ERBB4: variants seen among roughly 807,000 people sequenced by gnomAD.
The protein encoded by ERBB4 is erb-b2 receptor tyrosine kinase 4, also known as receptor tyrosine-protein kinase erbB-4.
A neutral mutation model predicts 158.0 loss-of-function variants in ERBB4; 42 were observed. That is an observed-to-expected ratio of 0.27 (90% CI 0.21 to 0.34). ERBB4 has a LOEUF of 0.34. Ranked by LOEUF, ERBB4 falls within the 10% of genes least tolerant of loss-of-function variation. The probability of loss-of-function intolerance (pLI) is 1.00; values close to 1 mark genes in which losing one functional copy is unlikely to be tolerated. For synonymous variants in ERBB4, 583 were observed against 558.7 expected (o/e 1.04, Z -0.61); for missense variants, 1,333 against 1,624.1 (o/e 0.82, Z 3.08).
At chr2:212,165,177 G>A (rs918589523) in intron 1 of ERBB4, among the ~76,000 whole-genome samples, 2 of 151,860 alleles carry the variant, frequency 1.3e-5, no homozygotes, top group Non-Finnish European at 2.9e-5. Flanking sequence ...CAGGTAATCA[G>A]CTAGGATTAA....
At chr2:212,473,166 C>A (rs968685467) in intron 1 of ERBB4, among the ~76,000 whole-genome samples, 1 of 151,900 alleles carries the variant, frequency 6.6e-6, no homozygotes. Context: ...TAAGCATTAA[C>A]ATTGCTAATT....
At chr2:212,347,308 T>G (rs753363761) in intron 1 of ERBB4, among the ~76,000 whole-genome samples, 2 of 149,950 alleles carry the variant, frequency 1.3e-5, no homozygotes, top group Non-Finnish European at 3.0e-5. Context: ...GTCCATGTTT[T>G]CTAAGACTTC....
At chr2:211,677,839 G>A (rs965836843) in intron 13 of ERBB4, among the ~76,000 whole-genome samples, 13 of 152,122 alleles carry the variant, frequency 8.5e-5, no homozygotes, top group Middle Eastern at 3.4e-3. Flanking sequence ...GCACCACTGC[G>A]CTCTAGCCAG....
At chr2:212,347,516 T>C (rs1251420801) in intron 1 of ERBB4, among the ~76,000 whole-genome samples, 1 of 152,138 alleles carries the variant, frequency 6.6e-6, no homozygotes, top group Non-Finnish European at 1.5e-5. Flanking sequence ...CACTTCCTTA[T>C]ACAACTCTTT....
intron 3 of ERBB4, among the ~76,000 whole-genome samples, chr2:211,810,939 G>T (rs2076739339): frequency 6.6e-6 from 1 of 152,102 alleles, no homozygotes; most frequent in African/African-American, 2.4e-5. Flanking sequence ...CTCCCAAAGT[G>T]CTGGGATTAC....
intron 1 of ERBB4, among the ~76,000 whole-genome samples, chr2:212,508,429 G>C (rs1383349788): frequency 1.3e-5 from 2 of 152,082 alleles, no homozygotes; most frequent in Admixed American, 6.6e-5. Context: ...TTTATGCATT[G>C]TGTTATAATT....
intron 2 of ERBB4, among the ~76,000 whole-genome samples, chr2:211,970,791 C>T (rs2081431280): frequency 6.6e-6 from 1 of 152,096 alleles, no homozygotes; most frequent in Non-Finnish European, 1.5e-5. Context: ...AGATGGGTCT[C>T]TTAGAGGCAG....
intron 1 of ERBB4, among the ~76,000 whole-genome samples, chr2:212,448,866 TTCATCCTC>T (rs1473244445): frequency 6.6e-6 from 1 of 152,178 alleles, no homozygotes; most frequent in Non-Finnish European, 1.5e-5. Flanking sequence ...AGGTTTTAGT[TTCATCCTC>T]TCATACTCCC....
At chr2:212,384,800 G>C (rs919971747) in intron 1 of ERBB4, among the ~76,000 whole-genome samples, 3 of 150,386 alleles carry the variant, frequency 2.0e-5, no homozygotes, top group Non-Finnish European at 4.4e-5. Flanking sequence ...ACATCTGGCA[G>C]TTAAATTTCA....
At chr2:212,034,341 G>A (rs1179864866) in intron 2 of ERBB4, among the ~76,000 whole-genome samples, 1 of 151,824 alleles carries the variant, frequency 6.6e-6, no homozygotes, top group Non-Finnish European at 1.5e-5. Flanking sequence ...ATATAAAAAG[G>A]AAATAAATAT....
intron 1 of ERBB4, among the ~76,000 whole-genome samples, chr2:212,199,507 G>A (rs1044647601): frequency 3.3e-5 from 5 of 152,028 alleles, no homozygotes; most frequent in African/African-American, 7.2e-5. Context: ...CACAACTTAC[G>A]GCTGCAGAGG....
intron 2 of ERBB4, among the ~76,000 whole-genome samples, chr2:212,053,477 T>C (rs529628062): frequency 3.3e-4 from 50 of 152,250 alleles, no homozygotes; most frequent in Middle Eastern, 3.4e-3. Context: ...AACTGCTCTT[T>C]ACCCCCTTTA....
At chr2:212,222,200 T>A (rs770393995) in intron 1 of ERBB4, among the ~76,000 whole-genome samples, 3 of 151,632 alleles carry the variant, frequency 2.0e-5, no homozygotes, top group Non-Finnish European at 4.4e-5. Context: ...TAACTTTCTG[T>A]TGCTATTAAC....
At chr2:212,514,253 C>T (rs1444669518) in intron 1 of ERBB4, among the ~76,000 whole-genome samples, 1 of 150,658 alleles carries the variant, frequency 6.6e-6, no homozygotes, top group Non-Finnish European at 1.5e-5. Flanking sequence ...TTTCCTTAAA[C>T]AAAATGCCCA....
Position 211,424,363 on chromosome 2 carries a change from C to G in ERBB4, c.2720-62G>C. 4 of 1,173,276 alleles carry G rather than the reference C, an allele frequency of 3.4e-6. No individual in the cohort carries two copies. The South Asian group carries it at 3.8e-5, about 11-fold the overall frequency. 72.7% of individuals were successfully genotyped at this position (1,173,276 alleles called of 1,614,324 possible). A position where few individuals can be genotyped will look rare whatever the true frequency, so the allele number is the denominator to read the frequency against. On this transcript the variant is annotated intron_variant, in intron 22 of 27. Transcript: ENST00000342788. Reference sequence around the variant, plus strand: ...ACAACATATGTTGAACAAACCAGCACTATACCAGTAGTAAAAGAATACTCC... The same window carrying G: ...ACAACATATGTTGAACAAACCAGCAGTATACCAGTAGTAAAAGAATACTCC...
At chr2:211,734,023 T>A (rs1245991445) in intron 5 of ERBB4, among the ~76,000 whole-genome samples, 1 of 151,974 alleles carries the variant, frequency 6.6e-6, no homozygotes, top group African/African-American at 2.4e-5. Flanking sequence ...GCCTGGGCCA[T>A]GCAGCAGAAA....
intron 1 of ERBB4, among the ~76,000 whole-genome samples, chr2:212,134,543 T>A (rs1276324899): frequency 2.6e-5 from 4 of 152,116 alleles, no homozygotes; most frequent in African/African-American, 9.6e-5. Flanking sequence ...ACATAAAATA[T>A]TTTTCAGTGT....
In ERBB4 at chr2:211,697,141, T is replaced by A. The variant is rs145121390; in HGVS notation, c.1489+4826A>T. The stretch of plus-strand genomic sequence containing the variant: ...CATCTGCAAATGCAGATGATTATAC[T>A]TTACAGGGTGGTTGTAATAACTAAA... On this transcript the variant is annotated intron_variant, in intron 12 of 27. Coordinates refer to ENST00000342788, the MANE Select transcript of ERBB4 (RefSeq NM_005235.3). 4.7e-4 allele frequency among the ~76,000 whole-genome samples: 71 copies of A among 152,306 alleles called. 1 individual carries two copies. The East Asian group carries it at 0.011, about 23-fold the overall frequency.
intron 1 of ERBB4, among the ~76,000 whole-genome samples, chr2:212,537,983 T>A (rs935226409): frequency 1.3e-5 from 2 of 152,070 alleles, no homozygotes; most frequent in African/African-American, 2.4e-5. Flanking sequence ...AAAGCCCGAT[T>A]TTCTGAGCGC....
Sources: gnomAD v4.1 joint callset for allele counts (sites outside exome capture counted in the v4.1 genomes callset) on GRCh38, gnomAD v4.1.1 for gene constraint, MANE v1.5 for transcripts, NCBI Gene and HGNC (gene_info 2026-07-23, HGNC 2026-07-21) for gene names.